The following PCDHA5 variants were observed in gnomAD, a reference collection of about 807,000 sequenced individuals.
PCDHA5 encodes protocadherin alpha 5, also known as protocadherin alpha-5.
A neutral mutation model predicts 61.6 loss-of-function variants in PCDHA5; 43 were observed. The observed-to-expected ratio is 0.70, with a 90% CI of 0.55 to 0.90. The LOEUF (loss-of-function observed/expected upper bound fraction) is 0.90. Ranked by LOEUF, PCDHA5 falls within the 40% of genes least tolerant of loss-of-function variation. PCDHA5 has a pLI of 0.00. For synonymous variants in PCDHA5, 627 were observed against 543.9 expected (o/e 1.15, Z -2.13); for missense variants, 1,298 against 1,222.7 (o/e 1.06, Z -0.92).
rs376943163 is a variant in PCDHA5 at position 140,883,718 on chromosome 5, G to C, written c.2352+59591G>C. On this transcript the variant is annotated intron_variant, in intron 1 of 3. Coordinates refer to ENST00000529859, the MANE Select transcript of PCDHA5 (RefSeq NM_018908.3). The stretch of plus-strand genomic sequence containing the variant: ...CACGGTGTCTGCTCAGGACGCGGAC[G>C]CACAGGAGAACGCGCTGGTCTCCTA... The C allele has an allele frequency of 5.0e-5, 81 of 1,613,524 alleles. No homozygotes were observed. Among genetic ancestry groups the C allele is most frequent in the Non-Finnish European group, 6.4e-5 (75 of 1,179,854 alleles).
intron 1 of PCDHA5, chr5:140,871,371 G>T: frequency 6.2e-7 from 1 of 1,614,202 alleles, no homozygotes; most frequent in Non-Finnish European, 8.5e-7. Context: ...GGCGGCAGAG[G>T]GTGTGCTCTG....
intron 3 of PCDHA5, among the ~76,000 whole-genome samples, chr5:141,003,237 T>G (rs1357530548): frequency 6.6e-6 from 1 of 152,228 alleles, no homozygotes; most frequent in Non-Finnish European, 1.5e-5. Flanking sequence ...CTGGAAATTT[T>G]GCCAAAAAGA....
chr5:140,849,954 A>G, intron 1 of PCDHA5: 1 of 1,597,790 alleles, frequency 6.3e-7, no homozygotes, highest in Non-Finnish European at 8.6e-7. Context: ...CGCGCAGGAG[A>G]ACGCCCTGGT....
At chr5:140,885,577 A>G (rs1554182197) in intron 1 of PCDHA5, among the ~76,000 whole-genome samples, 1 of 152,172 alleles carries the variant, frequency 6.6e-6, no homozygotes, top group African/African-American at 2.4e-5. Context: ...TCAGATGTGG[A>G]ATTGATGCAT....
intron 1 of PCDHA5, among the ~76,000 whole-genome samples, chr5:140,951,817 C>T (rs981107617): frequency 6.6e-6 from 1 of 152,146 alleles, no homozygotes; most frequent in Non-Finnish European, 1.5e-5. Flanking sequence ...CCCTCAAAGT[C>T]TGAACTCATT....
In PCDHA5 at chr5:140,875,915, T is replaced by G. The variant is rs782225928; in HGVS notation, c.2352+51788T>G. On this transcript the variant is annotated intron_variant, in intron 1 of 3. Transcript: ENST00000529859. Reference sequence around the variant, plus strand: ...GTACCTGTTTCTGAATCTGCGCCTCTGGACTCTCATTTTCCTCTAGAGGGC... The same window carrying G: ...GTACCTGTTTCTGAATCTGCGCCTCGGGACTCTCATTTTCCTCTAGAGGGC... 3.7e-6 allele frequency: 6 copies of G among 1,614,096 alleles called. No homozygotes were observed. In the African/African-American group the frequency reaches 6.7e-5, roughly 18 times the overall value.
chr5:140,851,307 T>C (rs1562478803), intron 1 of PCDHA5: 21 of 1,000,198 alleles, frequency 2.1e-5, no homozygotes, highest in Non-Finnish European at 2.6e-5. Context: ...TATATAGCAA[T>C]TGTTACCTTG....
chr5:140,850,917 T>C, intron 1 of PCDHA5: 1 of 1,530,140 alleles, frequency 6.5e-7, no homozygotes. Flanking sequence ...TTTATTTATT[T>C]ATATAATTTT....
intron 1 of PCDHA5, among the ~76,000 whole-genome samples, chr5:140,894,197 A>G (rs1378272032): frequency 6.6e-6 from 1 of 152,008 alleles, no homozygotes; most frequent in Admixed American, 6.6e-5. Context: ...TATTTTTTCT[A>G]TGCTATTATA....
intron 1 of PCDHA5, chr5:140,862,649 C>A: frequency 3.7e-6 from 2 of 543,104 alleles, no homozygotes; most frequent in South Asian, 1.4e-5. Context: ...ACAGTGTCCG[C>A]GCGGGACCGG....
chr5:140,884,355 T>C, intron 1 of PCDHA5: 1 of 1,613,922 alleles, frequency 6.2e-7, no homozygotes, highest in Admixed American at 1.7e-5. Context: ...CTGGTGGATG[T>C]CAATGTTTAC....
At chr5:140,929,316 C>G in intron 1 of PCDHA5, 1 of 1,556,954 alleles carries the variant, frequency 6.4e-7, no homozygotes, top group Non-Finnish European at 8.7e-7. Flanking sequence ...ACGCTAATGT[C>G]AATGCCATGG....
intron 1 of PCDHA5, chr5:140,836,630 A>T (rs2150266222): frequency 6.2e-7 from 1 of 1,613,502 alleles, no homozygotes. Context: ...GGAGCTGGTC[A>T]TTCTCCCAGC....
chr5:140,884,150 A>G (rs782776110), intron 1 of PCDHA5: 14 of 1,613,346 alleles, frequency 8.7e-6, no homozygotes, highest in Non-Finnish European at 1.1e-5. Context: ...GGGGCTGTAC[A>G]CTGGCGAGAT....
At chr5:140,892,111 A>G (rs918433393) in intron 1 of PCDHA5, among the ~76,000 whole-genome samples, 3 of 152,206 alleles carry the variant, frequency 2.0e-5, no homozygotes, top group Admixed American at 2.0e-4. Context: ...CTTGGCATTT[A>G]TATCTGGAAC....
At chr5:140,881,085 A>G (rs1554171740) in intron 1 of PCDHA5, among the ~76,000 whole-genome samples, 1 of 152,156 alleles carries the variant, frequency 6.6e-6, no homozygotes, top group East Asian at 1.9e-4. Flanking sequence ...GCTATGATAT[A>G]TTTTTCATTA....
chr5:140,853,247 C>T lies in PCDHA5; in HGVS notation c.2352+29120C>T, dbSNP rs985398812. ...GTAATTTAGTCCTTCATATTAATCT[C>T]TATTCTCTCTCAGAGTACAAGCTCT... On this transcript the variant is annotated intron_variant, in intron 1 of 3. Transcript: ENST00000529859. 2 of 976,048 alleles carry T rather than the reference C, an allele frequency of 2.0e-6. 1 individual carries two copies. Among genetic ancestry groups the T allele is most frequent in the Non-Finnish European group, 2.5e-6 (2 of 809,028 alleles). 60.5% of individuals were successfully genotyped at this position (976,048 alleles called of 1,614,324 possible).
At chr5:140,994,704 CA>C (rs1294993555) in intron 3 of PCDHA5, among the ~76,000 whole-genome samples, 1 of 150,730 alleles carries the variant, frequency 6.6e-6, no homozygotes, top group Non-Finnish European at 1.5e-5. Flanking sequence ...GACCCTGTCT[CA>C]AAAAAAAATT....
chr5:140,984,243 C>T (rs781830326), intron 3 of PCDHA5, among the ~76,000 whole-genome samples: 2 of 152,246 alleles, frequency 1.3e-5, no homozygotes, highest in Non-Finnish European at 2.9e-5. Context: ...CATTGTAGGT[C>T]GACCTGGTAA....
Sources: allele counts gnomAD v4.1 joint callset (sites outside exome capture counted in the v4.1 genomes callset), GRCh38; gene constraint gnomAD v4.1.1; transcripts MANE v1.5; gene names NCBI Gene and HGNC (gene_info 2026-07-23, HGNC 2026-07-21).